The following CHD6 variants were observed in gnomAD, a reference collection of about 807,000 sequenced individuals.
The protein encoded by CHD6 is ATP-dependent chromatin remodeler CHD6.
CHD6 carries 50 observed loss-of-function variants against 276.9 expected under a neutral mutation model. The observed-to-expected ratio is 0.18, with a 90% confidence interval of 0.14 to 0.23. CHD6 has a LOEUF of 0.23. CHD6 is among the 10% of genes least tolerant of loss of function. The pLI, the probability that CHD6 is intolerant of heterozygous loss-of-function variation, is 1.00. For missense variants in CHD6, 2,564 were observed against 3,365.8 expected (o/e 0.76, Z 5.89); for synonymous variants, 1,173 against 1,229.3 (o/e 0.95, Z 0.96).
At chr20:41,423,730 G>A (rs566215061) in intron 29 of CHD6, 30 bp from the exon 30 acceptor site, 1 of 1,563,826 alleles carries the variant, frequency 6.4e-7, no homozygotes, top group East Asian at 2.2e-5. Context: ...GGAAGAGTGA[G>A]CTCTTTCTTC....
chr20:41,408,512 T>A (rs993370188), intron 36 of CHD6, among the ~76,000 whole-genome samples: 8 of 152,288 alleles, frequency 5.3e-5, no homozygotes, highest in Middle Eastern at 6.8e-3. Context: ...CTTGAGCTCA[T>A]CAATGCAAAT....
Position 41,451,809 on chromosome 20 carries a change from G to A in CHD6, c.3523+17C>T, listed in dbSNP as rs748204581. The stretch of plus-strand genomic sequence containing the variant: ...ATGGGAATCGTGCTTCTTAGGCATG[G>A]CCCTGCCACCTCTCACCTGAGTGGT... On this transcript the variant is annotated intron_variant, in intron 22 of 36. Coordinates refer to ENST00000373233, the MANE Select transcript of CHD6 (RefSeq NM_032221.5). 7 of 1,612,624 alleles carry A rather than the reference G, an allele frequency of 4.3e-6. No individual in the cohort carries two copies. In the Admixed American group the frequency reaches 6.7e-5, roughly 15 times the overall value.
chr20:41,605,390 C>A (rs1041351815), intron 1 of CHD6, among the ~76,000 whole-genome samples: 1 of 152,162 alleles, frequency 6.6e-6, no homozygotes, highest in Non-Finnish European at 1.5e-5. Flanking sequence ...TGCCTCAAAA[C>A]ATTCTTTAAT....
Position 41,415,565 on chromosome 20 carries a change from C to T in CHD6, c.6560G>A (p.Arg2187Lys). Residue 2187 changes from arginine (R) to lysine (K), a missense_variant, in exon 34 of 37, where the codon AGG (arginine) becomes AAG (lysine). Coordinates refer to ENST00000373233, the MANE Select transcript of CHD6 (RefSeq NM_032221.5). The stretch of plus-strand genomic sequence containing the variant: ...CTCCAGGCCCCGAGCCTTTGCATCC[C>T]TCTCCACCTCAAACTCATAGGGACG... ...HRRPYEFEVE[R>K]DAKARGLEQF... is the part of the protein sequence containing the mutation. The T allele has an allele frequency of 1.2e-6, 2 of 1,613,982 alleles. No individual in the cohort carries two copies. Among genetic ancestry groups the T allele is most frequent in the Non-Finnish European group, 1.7e-6 (2 of 1,179,986 alleles).
chr20:41,495,813 C>T (rs184005510), intron 8 of CHD6, among the ~76,000 whole-genome samples: 2 of 152,330 alleles, frequency 1.3e-5, no homozygotes, highest in African/African-American at 4.8e-5. Flanking sequence ...CTAATCCTTG[C>T]AGGTATTCTG....
rs182390996 is a variant in CHD6 at position 41,530,986 on chromosome 20, C to T, written c.554+2064G>A. Among the ~76,000 whole-genome samples the T allele has an allele frequency of 4.3e-4, 66 of 152,314 alleles. 1 individual carries two copies. Among genetic ancestry groups the T allele is most frequent in the African/African-American group, 1.5e-3 (64 of 41,568 alleles). On this transcript the variant is annotated intron_variant, in intron 3 of 36. Transcript: ENST00000373233. ...AAATCAAGTTGCGTTAATATTGCTA[C>T]ATTTATATAACAAAGACTGTACATT...
At position 41,533,217 on chromosome 20, in the gene CHD6, T is replaced by C. The variant is rs763597469; in HGVS notation, c.387A>G (p.Glu129=). The change falls in exon 3 of 37, where the codon GAA becomes GAG. Residue 129 remains glutamate (E), a synonymous_variant. Transcript: ENST00000373233. ...KRKREPKEPK[E]PRKAKEPKKA... Reference sequence around the variant, plus strand: ...TCTTCGGCTCCTTGGCCTTTCTGGGTTCCTTTGGCTCTTTCGGTTCTCGTT... The same window carrying C: ...TCTTCGGCTCCTTGGCCTTTCTGGGCTCCTTTGGCTCTTTCGGTTCTCGTT... 3 of 1,613,680 alleles carry C rather than the reference T, an allele frequency of 1.9e-6. 1 individual carries two copies. In the South Asian group the frequency reaches 3.3e-5, roughly 18 times the overall value.
In CHD6 at chr20:41,495,637, A is replaced by G. The variant is rs113162012; in HGVS notation, c.1093-1693T>C. Reference sequence around the variant, plus strand: ...CACCCTTAGGGGGGAAAAAAGAAAGAAAAAAAACCCCCTACTTATGTGAGG... The same window carrying G: ...CACCCTTAGGGGGGAAAAAAGAAAGGAAAAAAACCCCCTACTTATGTGAGG... On this transcript the variant is annotated intron_variant, in intron 8 of 36. Transcript: ENST00000373233. 9.2e-5 allele frequency among the ~76,000 whole-genome samples: 14 copies of G among 152,216 alleles called. 3 individuals are homozygous for G. Among genetic ancestry groups the G allele is most frequent in the African/African-American group, 3.4e-4 (14 of 41,516 alleles).
intron 36 of CHD6, among the ~76,000 whole-genome samples, chr20:41,410,316 A>C (rs1345962311): frequency 1.3e-5 from 2 of 152,200 alleles, no homozygotes; most frequent in African/African-American, 4.8e-5. Flanking sequence ...GCGAGGGCAC[A>C]GTGAGAAGAC....
intron 4 of CHD6, 67 bp downstream of exon 4, chr20:41,514,738 G>T: frequency 1.9e-6 from 3 of 1,550,588 alleles, no homozygotes; most frequent in South Asian, 1.2e-5. Context: ...GGAGCAACAC[G>T]ATCAGTGTCA....
intron 25 of CHD6, among the ~76,000 whole-genome samples, chr20:41,444,992 C>T (rs1015401942): frequency 1.3e-5 from 2 of 152,184 alleles, no homozygotes; most frequent in African/African-American, 2.4e-5. Context: ...ATCAGGCATA[C>T]TATGGGTGAC....
At chr20:41,563,015 T>A (rs571459804) in intron 1 of CHD6, among the ~76,000 whole-genome samples, 76 of 152,342 alleles carry the variant, frequency 5.0e-4, no homozygotes, top group African/African-American at 1.8e-3. Flanking sequence ...TCTGAAAGGA[T>A]GCATTACCAT....
chr20:41,450,824 G>T, intron 23 of CHD6, 122 bp downstream of exon 23: 1 of 888,226 alleles, frequency 1.1e-6, no homozygotes, highest in Non-Finnish European at 1.8e-6. Context: ...AACACATCCT[G>T]TCTTTCTAGA....
At position 41,569,999 on chromosome 20, in the gene CHD6, AG is replaced by A. The variant is rs577199576; in HGVS notation, c.-23-18640del. 9.8e-5 allele frequency among the ~76,000 whole-genome samples: 15 copies of A among 152,294 alleles called. No homozygotes were observed. In the South Asian group the frequency reaches 3.1e-3, roughly 32 times the overall value. ...CCTTCCATCATCAGTCCAAGCACTG[AG>A]AACCAGCTCCAATGGCATGATTTAA... On this transcript the variant is annotated intron_variant, in intron 1 of 36. Transcript: ENST00000373233.
intron 1 of CHD6, among the ~76,000 whole-genome samples, chr20:41,608,933 A>T (rs2045857388): frequency 6.6e-6 from 1 of 152,246 alleles, no homozygotes; most frequent in Non-Finnish European, 1.5e-5. Context: ...CAAAGTGCAG[A>T]TAAAAATGGA....
chr20:41,598,587 T>A (rs1278925582), intron 1 of CHD6, among the ~76,000 whole-genome samples: 1 of 152,054 alleles, frequency 6.6e-6, no homozygotes, highest in Non-Finnish European at 1.5e-5. Flanking sequence ...CCTGGGGCAA[T>A]AAGGCATGCC....
chr20:41,438,794 A>C (rs528646418), intron 26 of CHD6, among the ~76,000 whole-genome samples: 1 of 152,346 alleles, frequency 6.6e-6, no homozygotes, highest in South Asian at 2.1e-4. Context: ...CAGTGAATGA[A>C]CATGAGAATC....
intron 16 of CHD6, among the ~76,000 whole-genome samples, chr20:41,482,198 G>T (rs956438538): frequency 6.6e-6 from 1 of 152,104 alleles, no homozygotes; most frequent in African/African-American, 2.4e-5. Context: ...ATTTTAAAGA[G>T]TAAGATAATA....
chr20:41,532,333 G>A (rs1182048979), intron 3 of CHD6, among the ~76,000 whole-genome samples: 1 of 152,188 alleles, frequency 6.6e-6, no homozygotes, highest in Non-Finnish European at 1.5e-5. Flanking sequence ...TGCACTCAGA[G>A]CTTGGAACCT....
Sources: gnomAD v4.1 joint callset for allele counts (sites outside exome capture counted in the v4.1 genomes callset) on GRCh38, gnomAD v4.1.1 for gene constraint, MANE v1.5 for transcripts, NCBI Gene and HGNC (gene_info 2026-07-23, HGNC 2026-07-21) for gene names.